Variants in CLSTN2 observed in about 807,000 individuals in gnomAD.
CLSTN2 encodes the protein calsyntenin-2.
A neutral mutation model predicts 101.2 loss-of-function variants in CLSTN2; 48 were observed. That is an observed-to-expected ratio of 0.47 (90% CI 0.38 to 0.60). CLSTN2 has a LOEUF of 0.60. CLSTN2 is among the 20% of genes least tolerant of loss of function. The pLI is 0.00. For missense variants in CLSTN2, 1,160 were observed against 1,238.2 expected (o/e 0.94, Z 0.95); for synonymous variants, 481 against 463.6 (o/e 1.04, Z -0.48).
At chr3:140,483,899 G>C (rs990781679) in intron 8 of CLSTN2, among the ~76,000 whole-genome samples, 3 of 152,118 alleles carry the variant, frequency 2.0e-5, no homozygotes, top group Non-Finnish European at 4.4e-5. Flanking sequence ...ACACTGATGG[G>C]TCTTGACTCT....
chr3:140,005,085 G>A (rs1255264956), intron 1 of CLSTN2, among the ~76,000 whole-genome samples: 1 of 152,142 alleles, frequency 6.6e-6, no homozygotes, highest in African/African-American at 2.4e-5. Flanking sequence ...ACTAGAGAAT[G>A]TGGAGCTGAA....
intron 8 of CLSTN2, among the ~76,000 whole-genome samples, chr3:140,531,673 C>T (rs1935257381): frequency 6.6e-6 from 1 of 152,132 alleles, no homozygotes; most frequent in Admixed American, 6.5e-5. Context: ...ACCTTTCATG[C>T]CTCCCATCTC....
chr3:140,398,801 C>T (rs2088210598), intron 2 of CLSTN2, among the ~76,000 whole-genome samples: 1 of 152,202 alleles, frequency 6.6e-6, no homozygotes, highest in African/African-American at 2.4e-5. Flanking sequence ...GCAAAATGTG[C>T]TCTAAAAATC....
At chr3:140,448,729 T>A (rs1933158451) in intron 6 of CLSTN2, 25 bp downstream of exon 6, 1 of 1,578,714 alleles carries the variant, frequency 6.3e-7, no homozygotes, top group Non-Finnish European at 8.7e-7. Context: ...TTTGGGATTT[T>A]AAAAATCAAT....
chr3:140,194,931 T>G (rs2010623053), intron 2 of CLSTN2, among the ~76,000 whole-genome samples: 1 of 152,228 alleles, frequency 6.6e-6, no homozygotes, highest in African/African-American at 2.4e-5. Flanking sequence ...TTACTGCCAG[T>G]GATGGTGGAC....
At position 140,005,877 on chromosome 3, in the gene CLSTN2, A is replaced by T. The variant is rs368202844; in HGVS notation, c.109+70394A>T. Among the ~76,000 whole-genome samples, 20 of 152,342 alleles carry T rather than the reference A, an allele frequency of 1.3e-4. No individual in the cohort carries two copies. The South Asian group carries it at 3.5e-3, about 27-fold the overall frequency. On this transcript the variant is annotated intron_variant, in intron 1 of 16. Transcript: ENST00000458420. ...AACAGCAATGGCAAAAGGCAAAATG[A>T]TAACAAAATTGTAGAAAGGTGCCAA...
intron 8 of CLSTN2, among the ~76,000 whole-genome samples, chr3:140,532,014 G>A (rs1217950921): frequency 6.6e-6 from 1 of 152,130 alleles, no homozygotes; most frequent in Non-Finnish European, 1.5e-5. Context: ...ACTGAGTCCA[G>A]GCCAGTAGGA....
intron 2 of CLSTN2, among the ~76,000 whole-genome samples, chr3:140,315,797 A>C (rs898518788): frequency 2.0e-5 from 3 of 152,152 alleles, no homozygotes; most frequent in Admixed American, 1.3e-4. Flanking sequence ...ACAAGAGCAC[A>C]TCCCTCCCGT....
chr3:140,243,195 G>A (rs1218191290), intron 2 of CLSTN2, among the ~76,000 whole-genome samples: 1 of 152,204 alleles, frequency 6.6e-6, no homozygotes, highest in Non-Finnish European at 1.5e-5. Flanking sequence ...AGTGACATGG[G>A]AGGGGCACAC....
chr3:140,059,540 C>A (rs1211789400), intron 1 of CLSTN2, among the ~76,000 whole-genome samples: 1 of 152,064 alleles, frequency 6.6e-6, no homozygotes. Flanking sequence ...CTCAGTCTTC[C>A]CCTCAAGCCT....
intron 2 of CLSTN2, among the ~76,000 whole-genome samples, chr3:140,325,474 G>C (rs904230066): frequency 6.6e-6 from 1 of 152,290 alleles, no homozygotes; most frequent in East Asian, 1.9e-4. Flanking sequence ...ATAAAGCAAG[G>C]ATCAAAGCTT....
intron 2 of CLSTN2, among the ~76,000 whole-genome samples, chr3:140,261,295 A>G (rs2086652069): frequency 6.6e-6 from 1 of 152,098 alleles, no homozygotes; most frequent in Non-Finnish European, 1.5e-5. Context: ...ATGGATATTT[A>G]TTTAATAGTT....
chr3:140,271,215 G>A (rs2086738697), intron 2 of CLSTN2, among the ~76,000 whole-genome samples: 1 of 152,062 alleles, frequency 6.6e-6, no homozygotes, highest in Non-Finnish European at 1.5e-5. Flanking sequence ...CTGCTCACCA[G>A]GGTCCCAGAC....
intron 1 of CLSTN2, among the ~76,000 whole-genome samples, chr3:140,163,299 C>T (rs2010080383): frequency 6.6e-6 from 1 of 151,970 alleles, no homozygotes; most frequent in Non-Finnish European, 1.5e-5. Context: ...AAAAAAGTTG[C>T]CTCAAGATTG....
intron 2 of CLSTN2, among the ~76,000 whole-genome samples, chr3:140,191,366 A>C (rs1033563252): frequency 4.6e-5 from 7 of 151,910 alleles, no homozygotes; most frequent in African/African-American, 1.7e-4. Flanking sequence ...ATTAGTCTGT[A>C]GTTTTCTTTG....
chr3:140,385,957 T>A (rs1200132550), intron 2 of CLSTN2, among the ~76,000 whole-genome samples: 6 of 152,150 alleles, frequency 3.9e-5, no homozygotes, highest in Admixed American at 3.3e-4. Context: ...CCTATTTGGA[T>A]CTGACACTGG....
At chr3:140,249,047 G>GT (rs1458451344) in intron 2 of CLSTN2, among the ~76,000 whole-genome samples, 1 of 152,052 alleles carries the variant, frequency 6.6e-6, no homozygotes, top group Non-Finnish European at 1.5e-5. Flanking sequence ...TAGGGTCTCT[G>GT]TTTTTTTGCT....
intron 2 of CLSTN2, among the ~76,000 whole-genome samples, chr3:140,335,661 T>A (rs1026173588): frequency 6.6e-6 from 1 of 152,238 alleles, no homozygotes; most frequent in African/African-American, 2.4e-5. Context: ...CATTTCTCAC[T>A]GATTACTATT....
At chr3:140,002,081 CTT>C (rs1364349340) in intron 1 of CLSTN2, among the ~76,000 whole-genome samples, 2 of 152,110 alleles carry the variant, frequency 1.3e-5, no homozygotes, top group Non-Finnish European at 2.9e-5. Context: ...CTGCAATAAA[CTT>C]GGGAGTGCAG....
Sources: gnomAD v4.1 joint callset for allele counts (sites outside exome capture counted in the v4.1 genomes callset) on GRCh38, gnomAD v4.1.1 for gene constraint, MANE v1.5 for transcripts, NCBI Gene and HGNC (gene_info 2026-07-23, HGNC 2026-07-21) for gene names.